ZFHX3: variants seen among roughly 807,000 people sequenced by gnomAD.
The protein encoded by ZFHX3 is zinc finger homeobox 3.
In ZFHX3, 42 loss-of-function variants were observed where a neutral mutation model predicts 279.1. The ratio of observed to expected loss-of-function variants is 0.15; its 90% CI spans 0.12 to 0.19. The LOEUF (loss-of-function observed/expected upper bound fraction) is 0.19. Ranked by LOEUF, ZFHX3 falls within the 10% of genes least tolerant of loss-of-function variation. The pLI is 1.00. For synonymous variants in ZFHX3, 2,293 were observed against 1,957.8 expected (o/e 1.17, Z -4.52); for missense variants, 4,981 against 4,754.0 (o/e 1.05, Z -1.40).
At chr16:72,926,453 A>T (rs189908274) in intron 3 of ZFHX3, among the ~76,000 whole-genome samples, 1 of 152,364 alleles carries the variant, frequency 6.6e-6, no homozygotes, top group African/African-American at 2.4e-5. Flanking sequence ...AATGAATTAC[A>T]GAATCCACTT....
At chr16:73,432,139 G>A (rs963538557) in intron 3 of ZFHX3, among the ~76,000 whole-genome samples, 7 of 152,116 alleles carry the variant, frequency 4.6e-5, no homozygotes, top group South Asian at 2.1e-4. Flanking sequence ...ATAGAGTCTC[G>A]TGGTCTTCAA....
At chr16:73,574,751 T>C (rs1356055138) in intron 2 of ZFHX3, among the ~76,000 whole-genome samples, 1 of 152,166 alleles carries the variant, frequency 6.6e-6, no homozygotes, top group East Asian at 1.9e-4. Flanking sequence ...GCCACCTCCT[T>C]GAACTATCTT....
intron 5 of ZFHX3, among the ~76,000 whole-genome samples, chr16:73,179,089 C>G (rs556772040): frequency 6.6e-6 from 1 of 152,200 alleles, no homozygotes; most frequent in South Asian, 2.1e-4. Flanking sequence ...ATCTACTGAC[C>G]TTGTGGATAC....
intron 5 of ZFHX3, among the ~76,000 whole-genome samples, chr16:73,185,574 C>T (rs958448575): frequency 4.6e-5 from 7 of 152,096 alleles, no homozygotes; most frequent in Admixed American, 2.0e-4. Flanking sequence ...GATTTGAGAG[C>T]GTGAGACTCA....
At chr16:72,968,492 G>A (rs797006401) in intron 1 of ZFHX3, among the ~76,000 whole-genome samples, 12 of 139,306 alleles carry the variant, frequency 8.6e-5, no homozygotes, top group African/African-American at 3.3e-4. Flanking sequence ...ACAGAGTCTC[G>A]CTCTGTCGTC....
chr16:73,217,686 A>G (rs2012264033), intron 5 of ZFHX3, among the ~76,000 whole-genome samples: 1 of 152,120 alleles, frequency 6.6e-6, no homozygotes, highest in African/African-American at 2.4e-5. Context: ...GTTTCAGTCA[A>G]TATACATAAT....
At chr16:73,341,096 A>C (rs2016023951) in intron 3 of ZFHX3, among the ~76,000 whole-genome samples, 1 of 152,192 alleles carries the variant, frequency 6.6e-6, no homozygotes, top group Non-Finnish European at 1.5e-5. Flanking sequence ...TAATCCCAGC[A>C]CTTTGGGAGG....
chr16:73,665,779 T>C (rs2052832881), intron 2 of ZFHX3, among the ~76,000 whole-genome samples: 1 of 150,550 alleles, frequency 6.6e-6, no homozygotes, highest in African/African-American at 2.5e-5. Flanking sequence ...CTGTACCACA[T>C]GACCAGTTTT....
intron 2 of ZFHX3, among the ~76,000 whole-genome samples, chr16:73,528,692 C>T (rs11643638): frequency 0.26 from 39,905 of 152,158 alleles, 6,718 homozygotes; most frequent in South Asian, 0.47. Flanking sequence ...ACTCTTATTC[C>T]TGAAGTAGTG....
At chr16:73,445,908 A>G (rs1417991274) in intron 3 of ZFHX3, among the ~76,000 whole-genome samples, 1 of 152,224 alleles carries the variant, frequency 6.6e-6, no homozygotes, top group Admixed American at 6.5e-5. Flanking sequence ...TCTGTCTTGA[A>G]ATGAAGTTCC....
At chr16:73,169,680 A>G (rs1567408627) in intron 5 of ZFHX3, among the ~76,000 whole-genome samples, 1 of 151,958 alleles carries the variant, frequency 6.6e-6, no homozygotes, top group African/African-American at 2.4e-5. Context: ...AAAAAAAAAA[A>G]GTAACTAGTG....
At chr16:73,777,067 C>A (rs1054491999) in intron 1 of ZFHX3, among the ~76,000 whole-genome samples, 1 of 152,172 alleles carries the variant, frequency 6.6e-6, no homozygotes, top group African/African-American at 2.4e-5. Context: ...GCTAGCATCA[C>A]CACGCTTTGT....
At chr16:72,956,843 C>A (rs1313968771) in intron 2 of ZFHX3, among the ~76,000 whole-genome samples, 7 of 108,066 alleles carry the variant, frequency 6.5e-5, no homozygotes, top group Admixed American at 1.8e-4. Flanking sequence ...AAAAAAAAAA[C>A]ATCTCTTTCA....
At chr16:73,469,555 A>T (rs2018627265) in intron 2 of ZFHX3, among the ~76,000 whole-genome samples, 1 of 152,050 alleles carries the variant, frequency 6.6e-6, no homozygotes, top group African/African-American at 2.4e-5. Flanking sequence ...CTCAAAGCTG[A>T]TGCCCATTGA....
intron 5 of ZFHX3, among the ~76,000 whole-genome samples, chr16:73,201,933 G>A (rs571229836): frequency 7.9e-5 from 12 of 152,226 alleles, no homozygotes; most frequent in African/African-American, 2.4e-4. Context: ...AGCCACTTAC[G>A]GCGTGGTAGT....
chr16:72,911,289 A>G (rs888610724), intron 3 of ZFHX3, among the ~76,000 whole-genome samples: 2 of 152,350 alleles, frequency 1.3e-5, no homozygotes, highest in Middle Eastern at 3.4e-3. Context: ...ATAGCTATTT[A>G]AAAACAGCTC....
intron 1 of ZFHX3, among the ~76,000 whole-genome samples, chr16:73,714,072 A>G (rs2053391115): frequency 6.6e-6 from 1 of 152,110 alleles, no homozygotes; most frequent in African/African-American, 2.4e-5. Flanking sequence ...CCAGACTCGT[A>G]CTTACTGGCT....
chr16:72,838,570 C>T (rs1047325931), intron 4 of ZFHX3, among the ~76,000 whole-genome samples: 7 of 152,122 alleles, frequency 4.6e-5, no homozygotes, highest in Admixed American at 2.6e-4. Flanking sequence ...CAGCACAGAA[C>T]GCCAGAGCAT....
intron 3 of ZFHX3, among the ~76,000 whole-genome samples, chr16:73,377,064 CA>C (rs1358220267): frequency 1.3e-5 from 2 of 151,332 alleles, no homozygotes; most frequent in Non-Finnish European, 2.9e-5. Flanking sequence ...CTCCACCCCT[CA>C]TCTTCAAGTG....
Sources: allele counts gnomAD v4.1 joint callset (sites outside exome capture counted in the v4.1 genomes callset), GRCh38; gene constraint gnomAD v4.1.1; transcripts MANE v1.5; gene names NCBI Gene and HGNC (gene_info 2026-07-23, HGNC 2026-07-21).